The following TRDN variants were observed in gnomAD, a reference collection of about 807,000 sequenced individuals.
TRDN encodes triadin.
TRDN carries 161 observed loss-of-function variants against 149.7 expected under a neutral mutation model. The observed-to-expected ratio is 1.08, with a 90% CI of 0.95 to 1.23. The LOEUF is 1.23. Ranked by LOEUF, TRDN falls within the 50% of genes most tolerant of loss-of-function variation. The pLI is 0.00. For missense variants in TRDN, 896 were observed against 823.5 expected (o/e 1.09, Z -1.08); for synonymous variants, 294 against 250.5 (o/e 1.17, Z -1.64).
chr6:123,308,708 T>G (rs1359371434), intron 24 of TRDN, among the ~76,000 whole-genome samples: 1 of 152,000 alleles, frequency 6.6e-6, no homozygotes, highest in Non-Finnish European at 1.5e-5. Flanking sequence ...TTCCCATGCT[T>G]CAGACCTTGT....
At chr6:123,513,042 G>A (rs959396971) in intron 6 of TRDN, among the ~76,000 whole-genome samples, 3 of 152,034 alleles carry the variant, frequency 2.0e-5, no homozygotes, top group Non-Finnish European at 4.4e-5. Flanking sequence ...CAGAATCTTG[G>A]AGAGATGATT....
chr6:123,456,737 G>T (rs1252535186), intron 10 of TRDN: 1 of 449,684 alleles, frequency 2.2e-6, no homozygotes, highest in Non-Finnish European at 4.5e-6. Context: ...CCAAAGTGTT[G>T]GGGATTACAG....
chr6:123,558,381 C>T (rs1781795139), intron 2 of TRDN, among the ~76,000 whole-genome samples: 1 of 152,142 alleles, frequency 6.6e-6, no homozygotes, highest in Non-Finnish European at 1.5e-5. Flanking sequence ...CTCCTCACAC[C>T]CGGTCCGGCT....
chr6:123,257,751 T>G (rs1218987616), intron 35 of TRDN, among the ~76,000 whole-genome samples: 1 of 152,230 alleles, frequency 6.6e-6, no homozygotes, highest in Non-Finnish European at 1.5e-5. Flanking sequence ...ACAATATTGA[T>G]TCTTCCTGTC....
intron 28 of TRDN, 30 bp downstream of exon 28, chr6:123,273,307 C>A: frequency 1.8e-6 from 2 of 1,085,160 alleles, no homozygotes; most frequent in South Asian, 1.7e-5. Context: ...GTAAGAAAGT[C>A]TAAGCATAAA....
intron 2 of TRDN, among the ~76,000 whole-genome samples, chr6:123,555,564 T>C (rs1370230708): frequency 1.3e-5 from 2 of 152,168 alleles, no homozygotes; most frequent in Admixed American, 6.5e-5. Context: ...TATTTGTATA[T>C]ATTGCTTCAG....
chr6:123,221,642 T>G (rs1213572335), intron 39 of TRDN, 120 bp from the exon 40 acceptor site: 1 of 527,748 alleles, frequency 1.9e-6, no homozygotes, highest in Non-Finnish European at 3.3e-6. Flanking sequence ...AGTTACCCTT[T>G]TTATAGTATA....
At chr6:123,381,296 G>A in intron 16 of TRDN, 74 bp downstream of exon 16, 17 of 1,390,306 alleles carry the variant, frequency 1.2e-5, no homozygotes, top group South Asian at 5.1e-5. Flanking sequence ...AAAATTGCAG[G>A]TCTAAATACA....
In TRDN at chr6:123,529,269, C is replaced by T. The variant is rs370743420; in HGVS notation, c.484+1237G>A. On this transcript the variant is annotated intron_variant, in intron 5 of 40. Coordinates refer to ENST00000334268, the MANE Select transcript of TRDN (RefSeq NM_006073.4). ...TCAGTCATGGTTCGCTTAGTCAATCCGTACTCAAGAGCTGTGTCCAACTTC... is the reference window on the plus strand; with the variant it reads ...TCAGTCATGGTTCGCTTAGTCAATCTGTACTCAAGAGCTGTGTCCAACTTC... 1.1e-4 allele frequency: 173 copies of T among 1,548,834 alleles called. 1 individual carries two copies. Among genetic ancestry groups the T allele is most frequent in the African/African-American group, 9.0e-4 (66 of 73,022 alleles).
chr6:123,605,966 A>G (rs1440773936), intron 1 of TRDN, among the ~76,000 whole-genome samples: 1 of 152,120 alleles, frequency 6.6e-6, no homozygotes, highest in Non-Finnish European at 1.5e-5. Context: ...TCTCTGTGAA[A>G]GAGGAAGCCA....
At chr6:123,318,657 G>T (rs1340794213) in intron 23 of TRDN, among the ~76,000 whole-genome samples, 2 of 152,010 alleles carry the variant, frequency 1.3e-5, no homozygotes, top group South Asian at 4.2e-4. Context: ...TCAATAATAG[G>T]TATCTATTTG....
intron 38 of TRDN, among the ~76,000 whole-genome samples, chr6:123,243,694 T>G (rs1251457029): frequency 6.6e-6 from 1 of 151,568 alleles, no homozygotes; most frequent in African/African-American, 2.4e-5. Flanking sequence ...GAAAGAAAAA[T>G]CAAGTAAAAG....
intron 1 of TRDN, among the ~76,000 whole-genome samples, chr6:123,624,820 AG>A (rs1785565474): frequency 6.6e-6 from 1 of 152,170 alleles, no homozygotes; most frequent in Admixed American, 6.6e-5. Flanking sequence ...AATCAGCAAT[AG>A]AGGTTCAAAT....
intron 10 of TRDN, among the ~76,000 whole-genome samples, chr6:123,448,767 A>T (rs776262425): frequency 3.3e-5 from 5 of 152,108 alleles, no homozygotes; most frequent in Non-Finnish European, 5.9e-5. Context: ...GCCAACCAGC[A>T]CAATAATAGA....
At chr6:123,506,908 GATCT>G (rs1417720777) in intron 7 of TRDN, among the ~76,000 whole-genome samples, 2 of 151,968 alleles carry the variant, frequency 1.3e-5, no homozygotes, top group South Asian at 2.1e-4. Context: ...TAGATAGTTT[GATCT>G]ATCTGTCTTC....
At chr6:123,483,831 T>C (rs1777872443) in intron 9 of TRDN, among the ~76,000 whole-genome samples, 1 of 152,176 alleles carries the variant, frequency 6.6e-6, no homozygotes, top group African/African-American at 2.4e-5. Context: ...ACTTTGAGCA[T>C]AGCAACTCAG....
chr6:123,599,877 A>T (rs1784204363), intron 1 of TRDN, among the ~76,000 whole-genome samples: 2 of 151,828 alleles, frequency 1.3e-5, no homozygotes, highest in Admixed American at 1.3e-4. Context: ...TTCTTTCAGG[A>T]AGCCATGGAT....
chr6:123,490,598 C>T (rs974001196), intron 9 of TRDN, among the ~76,000 whole-genome samples: 1 of 152,050 alleles, frequency 6.6e-6, no homozygotes, highest in South Asian at 2.1e-4. Context: ...AGGAATTTAT[C>T]CTGTTATATT....
chr6:123,618,188 C>T (rs1254444334), intron 1 of TRDN, among the ~76,000 whole-genome samples: 1 of 152,066 alleles, frequency 6.6e-6, no homozygotes, highest in Non-Finnish European at 1.5e-5. Context: ...ACAAATTTAA[C>T]ACAAATTTAT....
Sources: gnomAD v4.1 joint callset for allele counts (sites outside exome capture counted in the v4.1 genomes callset) on GRCh38, gnomAD v4.1.1 for gene constraint, MANE v1.5 for transcripts, NCBI Gene and HGNC (gene_info 2026-07-23, HGNC 2026-07-21) for gene names.